The following MYH13 variants were observed in gnomAD, a reference collection of about 807,000 sequenced individuals.
MYH13 encodes the protein myosin-13.
Under a neutral mutation model 232.1 loss-of-function variants are expected in MYH13, and 177 were observed. The ratio of observed to expected loss-of-function variants is 0.76; its 90% CI spans 0.67 to 0.86. The LOEUF (loss-of-function observed/expected upper bound fraction) is 0.86, where lower values mean the gene tolerates loss of function less well. Among genes scored for constraint, MYH13 ranks in the 40% least tolerant of loss-of-function variants. The probability of loss-of-function intolerance (pLI) is 0.00; values close to 1 mark genes in which losing one functional copy is unlikely to be tolerated. For missense variants in MYH13, 2,246 were observed against 2,405.9 expected, an observed-to-expected ratio of 0.93 and a Z score of 1.39; for synonymous variants, 884 against 923.5, an observed-to-expected ratio of 0.96 and a Z score of 0.78.
At chr17:10,352,066 A>G (rs1197185047) in intron 11 of MYH13, among the ~76,000 whole-genome samples, 1 of 152,174 alleles carries the variant, frequency 6.6e-6, no homozygotes, top group African/African-American at 2.4e-5. Flanking sequence ...TCAGGGTTGC[A>G]TATCTCTGTC....
chr17:10,310,436 A>G (rs1906470364), intron 33 of MYH13, among the ~76,000 whole-genome samples: 1 of 152,144 alleles, frequency 6.6e-6, no homozygotes, highest in Non-Finnish European at 1.5e-5. Context: ...GAAGAGAACA[A>G]TATTCAGAGA....
intron 12 of MYH13, among the ~76,000 whole-genome samples, chr17:10,349,333 C>T (rs2071692122): frequency 1.3e-5 from 2 of 151,968 alleles, no homozygotes; most frequent in African/African-American, 4.8e-5. Flanking sequence ...CCTATAACCT[C>T]AGATGATCCA....
chr17:10,338,762 A>G (rs1371709433), intron 18 of MYH13, among the ~76,000 whole-genome samples: 22 of 144,526 alleles, frequency 1.5e-4, no homozygotes, highest in African/African-American at 5.5e-4. Context: ...ATGCAGTGGC[A>G]CGATCTCGGC....
intron 8 of MYH13, among the ~76,000 whole-genome samples, chr17:10,356,380 G>A (rs1466069834): frequency 6.6e-6 from 1 of 152,226 alleles, no homozygotes; most frequent in Non-Finnish European, 1.5e-5. Context: ...TGACTTCTGG[G>A]TCAGGGCTAA....
intron 27 of MYH13, among the ~76,000 whole-genome samples, chr17:10,318,181 G>T (rs1906784963): frequency 6.6e-6 from 1 of 152,230 alleles, no homozygotes; most frequent in Non-Finnish European, 1.5e-5. Flanking sequence ...GGTAGAGGTT[G>T]CAGTGAGCTG....
rs550630230 is a variant in MYH13, at chr17:10,304,583, A to G, written c.5467-1085T>C. Among the ~76,000 whole-genome samples, 175 of 152,358 alleles carry G rather than the reference A, an allele frequency of 1.1e-3. 1 individual carries two copies. Among genetic ancestry groups the G allele is most frequent in the Non-Finnish European group, 2.3e-3 (154 of 68,028 alleles). On this transcript the variant is annotated intron_variant, in intron 37 of 40. Transcript: ENST00000252172. This position sits in a 1 kb window ranked among gnomAD's most constrained non-coding sequence, Gnocchi z 5.3. ...TTACAGATCAAGTAAGGCAGCAGGGATCACGAAGAGAACCTGGGCCAGGAG... is the reference window on the plus strand; with the variant it reads ...TTACAGATCAAGTAAGGCAGCAGGGGTCACGAAGAGAACCTGGGCCAGGAG...
At position 10,303,419 on chromosome 17, in the gene MYH13, C is replaced by T. The variant is rs1597880694; in HGVS notation, c.5546G>A (p.Arg1849His). ...CTGGTAAGTCATCTCCTTGACTTTG[C>T]GTTCGTACTTGTGGGCTCCCTTCAG... ...EALKGAHKYE[R>H]KVKEMTYQAE... The change falls in exon 38 of 41, where the codon CGC (arginine) becomes CAC (histidine). Residue 1849 changes from arginine to histidine, a missense_variant. Physicochemically the swap from Arg to His is conservative, Grantham distance 29. Coordinates refer to ENST00000252172, the MANE Select transcript of MYH13 (RefSeq NM_003802.3). 1.9e-6 allele frequency: 3 copies of T among 1,613,944 alleles called. No individual in the cohort carries two copies. The highest frequency in any genetic ancestry group is 2.2e-5 in the South Asian group (2 of 91,076).
At chr17:10,347,147 A>G (rs568024564) in intron 12 of MYH13, among the ~76,000 whole-genome samples, 76 of 152,308 alleles carry the variant, frequency 5.0e-4, no homozygotes, top group Non-Finnish European at 9.7e-4. Context: ...AGGCGGGTGG[A>G]TCACCTGAGG....
chr17:10,326,446 ATTTCT>A (rs1241613645), intron 22 of MYH13, among the ~76,000 whole-genome samples: 1 of 152,102 alleles, frequency 6.6e-6, no homozygotes, highest in African/African-American at 2.4e-5. Context: ...ATACTGCCCC[ATTTCT>A]TTTCTTTTTC....
rs1317906977 is a variant in MYH13 at position 10,364,429 on chromosome 17, G to T, written c.102C>A (p.Ser34=). 1.9e-6 allele frequency: 3 copies of T among 1,613,334 alleles called. No homozygotes were observed. In the African/African-American group the frequency reaches 4.0e-5, roughly 22 times the overall value. Residue 34 remains serine, a synonymous_variant, in exon 3 of 41, where the codon TCC becomes TCA. Transcript: ENST00000252172. ...RIEAQNRPFD[S]KKACFVADNK... ...TATCCGCTACAAAGCAGGCTTTCTT[G>T]GAATCGAATGGACGATTTTGAGCCT... is the stretch of plus-strand genomic sequence containing the variant.
intron 32 of MYH13, 128 bp downstream of exon 32, chr17:10,311,783 G>A (rs1203750125): frequency 9.1e-7 from 1 of 1,095,644 alleles, no homozygotes; most frequent in Non-Finnish European, 1.3e-6. Flanking sequence ...GTCAATGTGA[G>A]GCATGATGGG....
intron 18 of MYH13, among the ~76,000 whole-genome samples, chr17:10,334,857 T>G (rs1244606874): frequency 6.6e-6 from 1 of 152,012 alleles, no homozygotes; most frequent in Non-Finnish European, 1.5e-5. Context: ...CCAACCTGGG[T>G]GACAGAGCAA....
In MYH13 at chr17:10,311,029, TG is replaced by T. The variant is rs1469404987; in HGVS notation, c.4656+73del. 2.5e-6 allele frequency: 4 copies of T among 1,580,376 alleles called. No individual in the cohort carries two copies. In the African/African-American group the frequency reaches 5.4e-5, roughly 21 times the overall value. On this transcript the variant is annotated intron_variant, in intron 33 of 40. Transcript: ENST00000252172. ...GGGTCTCCTGGCAGGAAAGGCCCCA[TG>T]GGGTGGTGAAGGGCAGCCTCTTTCA...
Position 10,306,613 on chromosome 17 carries a change from T to C in MYH13, c.5312A>G (p.Glu1771Gly). Reference protein sequence around the residue: ...KAITDAAMMAEELKKEQDTSA... With the variant: ...KAITDAAMMAGELKKEQDTSA... ...GGTGTCCTGTTCCTTCTTTAGCTCCTCAGCCATCATGGCAGCCTGGTTAAG... is the reference window on the plus strand; with the variant it reads ...GGTGTCCTGTTCCTTCTTTAGCTCCCCAGCCATCATGGCAGCCTGGTTAAG... The change falls in exon 37 of 41, where the codon GAG (glutamate) becomes GGG (glycine). Residue 1771 changes from glutamate to glycine, a missense_variant. Transcript: ENST00000252172. The surrounding 1 kb of genome is among the most constrained non-coding windows in gnomAD (Gnocchi z 4.3). 6.2e-7 allele frequency: 1 copy of C among 1,614,102 alleles called. No individual in the cohort carries two copies. Among genetic ancestry groups the C allele is most frequent in the Non-Finnish European group, 8.5e-7 (1 of 1,180,036 alleles).
In MYH13 at chr17:10,312,054, T is replaced by A; in HGVS notation, c.4388A>T (p.Lys1463Met). 1 of 1,613,850 alleles carries A rather than the reference T, an allele frequency of 6.2e-7. No individual in the cohort carries two copies. The highest frequency in any genetic ancestry group is 8.5e-7 in the Non-Finnish European group (1 of 1,179,892). Residue 1463 changes from lysine to methionine, a missense_variant, in exon 32 of 41, where the codon AAG becomes ATG. Lys to Met is a moderately conservative substitution (Grantham distance 95). Coordinates refer to ENST00000252172, the MANE Select transcript of MYH13 (RefSeq NM_003802.3). Reference sequence around the variant, plus strand: ...CAACTCAGCCTGGCTTTCGTCCAGCTTTTGCTTCCACTCTGCAAGGACCTG... The same window carrying A: ...CAACTCAGCCTGGCTTTCGTCCAGCATTTGCTTCCACTCTGCAAGGACCTG... ...FDKVLAEWKQ[K>M]LDESQAELEA...
chr17:10,301,012 TG>T, intron 40 of MYH13, 47 bp from the exon 41 acceptor site: 1 of 1,549,942 alleles, frequency 6.5e-7, no homozygotes, highest in Non-Finnish European at 8.9e-7. Context: ...GTCAACTAAA[TG>T]GGAGACTGAA....
At chr17:10,309,485 G>T in intron 34 of MYH13, 37 bp downstream of exon 34, 1 of 1,601,138 alleles carries the variant, frequency 6.2e-7, no homozygotes, top group Non-Finnish European at 8.5e-7. Context: ...GCAGGCTGGG[G>T]CCCGTCCAGG....
chr17:10,316,539 T>C (rs144500079), intron 27 of MYH13, among the ~76,000 whole-genome samples: 40 of 152,346 alleles, frequency 2.6e-4, no homozygotes, highest in Admixed American at 1.3e-3. Flanking sequence ...GGTAGATAAG[T>C]ATTTAATGAT....
At chr17:10,323,558 G>C (rs1907057319) in intron 23 of MYH13, among the ~76,000 whole-genome samples, 1 of 151,940 alleles carries the variant, frequency 6.6e-6, no homozygotes, top group African/African-American at 2.4e-5. Flanking sequence ...AGGAGTTCGA[G>C]ACCAGCTTGG....
Sources: allele counts gnomAD v4.1 joint callset (sites outside exome capture counted in the v4.1 genomes callset), GRCh38; gene constraint gnomAD v4.1.1; non-coding constraint Gnocchi (gnomAD v3.1); transcripts MANE v1.5; gene names NCBI Gene and HGNC (gene_info 2026-07-23, HGNC 2026-07-21).